The following HELZ variants were observed in gnomAD, a reference collection of about 807,000 sequenced individuals.
HELZ encodes the protein helicase with zinc finger.
HELZ carries 23 observed loss-of-function variants against 218.2 expected under a neutral mutation model. The observed-to-expected ratio is 0.11, with a 90% CI of 0.08 to 0.15. HELZ has a LOEUF of 0.15. Among genes scored for constraint, HELZ ranks in the 10% least tolerant of loss-of-function variants. HELZ has a pLI of 1.00. For missense variants in HELZ, 1,813 were observed against 2,353.7 expected (o/e 0.77, Z 4.75); for synonymous variants, 814 against 829.4 (o/e 0.98, Z 0.32).
chr17:67,190,655 A>T (rs2039867678), intron 9 of HELZ, among the ~76,000 whole-genome samples: 1 of 152,326 alleles, frequency 6.6e-6, no homozygotes, highest in Admixed American at 6.5e-5. Context: ...TTCCTTGGTC[A>T]TATAAGGACT....
chr17:67,120,390 C>A lies in HELZ; in HGVS notation c.3838+15G>T, dbSNP rs79369854. 6.2e-7 allele frequency: 1 copy of A among 1,605,152 alleles called. No homozygotes were observed. The highest frequency in any genetic ancestry group is 8.5e-7 in the Non-Finnish European group (1 of 1,172,020). ...CATCAGTTTATGAACAGGAGAACAGCGAAGTACAACTTACCATTTCGATTT... is the reference window on the plus strand; with the variant it reads ...CATCAGTTTATGAACAGGAGAACAGAGAAGTACAACTTACCATTTCGATTT... On this transcript the variant is annotated intron_variant, in intron 27 of 32. Coordinates refer to ENST00000358691, the MANE Select transcript of HELZ (RefSeq NM_014877.4).
chr17:67,166,715 G>T, intron 14 of HELZ, 107 bp from the exon 15 acceptor site: 1 of 888,600 alleles, frequency 1.1e-6, no homozygotes, highest in Non-Finnish European at 1.8e-6. Flanking sequence ...TAAGTTTAGA[G>T]ATTCTTTTAA....
intron 3 of HELZ, among the ~76,000 whole-genome samples, chr17:67,229,621 T>C (rs1307090460): frequency 6.6e-6 from 1 of 152,216 alleles, no homozygotes; most frequent in African/African-American, 2.4e-5. Context: ...TTCCCAAAGA[T>C]GACCTAAATG....
rs1432598252 is a variant in HELZ, at chr17:67,125,322, A to C, written c.3388-1308T>G. ...TATATATATATATATATATATATATATATATATATATATATATATATATAC... is the reference window on the plus strand; with the variant it reads ...TATATATATATATATATATATATATCTATATATATATATATATATATATAC... On this transcript the variant is annotated intron_variant, in intron 24 of 32. Transcript: ENST00000358691. 1.1e-4 allele frequency among the ~76,000 whole-genome samples: 5 copies of C among 46,700 alleles called. 1 individual carries two copies. The South Asian group carries it at 8.5e-3, about 79-fold the overall frequency. 30.6% of individuals were successfully genotyped at this position (46,700 alleles called of 152,430 possible). A position where few individuals can be genotyped will look rare whatever the true frequency, so the allele number is the denominator to read the frequency against.
chr17:67,089,365 G>C lies in HELZ; in HGVS notation c.5242-2284C>G, dbSNP rs3785577. Among the ~76,000 whole-genome samples the C allele has an allele frequency of 6.8e-4, 103 of 152,018 alleles. No individual in the cohort carries two copies. In the East Asian group the frequency reaches 0.017, roughly 26 times the overall value. On this transcript the variant is annotated intron_variant, in intron 31 of 32. Coordinates refer to ENST00000358691, the MANE Select transcript of HELZ (RefSeq NM_014877.4). The stretch of plus-strand genomic sequence containing the variant: ...ACGAAAACTCAGAAAGAAATGGAAG[G>C]CTGATATAAGAGAGAATATTCAATT...
intron 23 of HELZ, among the ~76,000 whole-genome samples, chr17:67,134,410 C>T (rs1027172452): frequency 6.6e-6 from 1 of 151,948 alleles, no homozygotes; most frequent in African/African-American, 2.4e-5. Context: ...ATACTCTCCC[C>T]TCTCCAATTT....
intron 17 of HELZ, among the ~76,000 whole-genome samples, chr17:67,156,574 G>A (rs2038849060): frequency 6.6e-6 from 1 of 152,040 alleles, no homozygotes; most frequent in African/African-American, 2.4e-5. Flanking sequence ...CGAGTTACCT[G>A]ACTTGGCAGC....
intron 12 of HELZ, among the ~76,000 whole-genome samples, chr17:67,181,814 G>C (rs1332031835): frequency 2.0e-5 from 3 of 151,764 alleles, no homozygotes; most frequent in African/African-American, 4.8e-5. Flanking sequence ...CTACTACTAA[G>C]GATACGGTAT....
intron 12 of HELZ, among the ~76,000 whole-genome samples, chr17:67,181,989 T>C (rs2039624544): frequency 7.3e-6 from 1 of 136,148 alleles, no homozygotes; most frequent in Non-Finnish European, 1.6e-5. Context: ...GGGTCCCTTA[T>C]GGGGACACTG....
chr17:67,191,433 A>C (rs1161290404), intron 9 of HELZ, among the ~76,000 whole-genome samples: 1 of 152,116 alleles, frequency 6.6e-6, no homozygotes, highest in Non-Finnish European at 1.5e-5. Flanking sequence ...GTGACCAAAA[A>C]CAGATAAAAA....
chr17:67,193,586 C>A (rs1220270794), intron 9 of HELZ, among the ~76,000 whole-genome samples: 1 of 151,972 alleles, frequency 6.6e-6, no homozygotes, highest in African/African-American at 2.4e-5. Flanking sequence ...TGTGGTGGCA[C>A]ATGCCTGTAA....
chr17:67,124,946 C>T (rs868375063), intron 24 of HELZ, among the ~76,000 whole-genome samples: 10 of 151,708 alleles, frequency 6.6e-5, no homozygotes, highest in Admixed American at 1.3e-4. Context: ...TAGCACATTG[C>T]GCAACTTACC....
chr17:67,219,138 C>T (rs1372418207), intron 3 of HELZ, among the ~76,000 whole-genome samples: 2 of 152,108 alleles, frequency 1.3e-5, no homozygotes, highest in Non-Finnish European at 1.5e-5. Flanking sequence ...ATACAACAAA[C>T]CATAAAGGAT....
rs1317103304 is a variant in HELZ at position 67,239,443 on chromosome 17, C to G, written c.-29G>C. ...CTAAACCTTACTCACCTGCAGTTCA[C>G]TGCACTGGGTATCACCCAAATAGCC... On this transcript the variant is annotated 5_prime_UTR_variant, in exon 3 of 33. Transcript: ENST00000358691. 6.6e-6 allele frequency: 1 copy of G among 152,220 alleles called. No individual in the cohort carries two copies. The highest frequency in any genetic ancestry group is 1.5e-5 in the Non-Finnish European group (1 of 68,044). 9.4% of individuals were successfully genotyped at this position (152,220 alleles called of 1,614,324 possible). A position where few individuals can be genotyped will look rare whatever the true frequency, so the allele number is the denominator to read the frequency against.
intron 31 of HELZ, among the ~76,000 whole-genome samples, chr17:67,103,743 T>C (rs1405114389): frequency 6.6e-6 from 1 of 152,200 alleles, no homozygotes; most frequent in Non-Finnish European, 1.5e-5. Context: ...ATTAGTAAGC[T>C]GATCCTAAAC....
rs57513241 is a variant in HELZ, at chr17:67,125,286, CTATATATATATATATATATA to C, written c.3388-1292_3388-1273del. 8.1e-3 allele frequency among the ~76,000 whole-genome samples: 566 copies of C among 70,066 alleles called. 5 individuals are homozygous for C. The highest frequency in any genetic ancestry group is 0.021 in the African/African-American group (263 of 12,748). 46.0% of individuals were successfully genotyped at this position (70,066 alleles called of 152,430 possible). On this transcript the variant is annotated intron_variant, in intron 24 of 32. Coordinates refer to ENST00000358691, the MANE Select transcript of HELZ (RefSeq NM_014877.4). ...GCATGTTCACAGTGATTGGCACCAA[CTATATATATATATATATATA>C]TATATATATATATATATATATATAT...
chr17:67,178,079 T>C (rs543280247), intron 13 of HELZ, among the ~76,000 whole-genome samples: 8 of 152,328 alleles, frequency 5.3e-5, no homozygotes, highest in Admixed American at 2.6e-4. Context: ...TAATCTTCCC[T>C]CACTCTAACT....
At position 67,167,502 on chromosome 17, in the gene HELZ, G is replaced by A; in HGVS notation, c.1725C>T (p.Cys575=). ...CAGGCCGAAGATTAAGTTCTTCACA[G>A]CATTCCCTAGATAGCCTTAAAAATA... ...EYIFLRLSRE[C]CEELNLRPDC... is the part of the protein sequence containing the mutation. The change falls in exon 14 of 33, where the codon TGC becomes TGT. Residue 575 remains cysteine, a synonymous_variant. Transcript: ENST00000358691. 1 of 1,613,522 alleles carries A rather than the reference G, an allele frequency of 6.2e-7. No homozygotes were observed. The highest frequency in any genetic ancestry group is 2.2e-5 in the East Asian group (1 of 44,878).
intron 31 of HELZ, among the ~76,000 whole-genome samples, chr17:67,094,333 A>AG (rs1555597035): frequency 4.8e-5 from 7 of 146,632 alleles, no homozygotes; most frequent in African/African-American, 1.3e-4. Context: ...AAAAAAAAAA[A>AG]AGAGAGAGAG....
Sources: allele counts gnomAD v4.1 joint callset (sites outside exome capture counted in the v4.1 genomes callset), GRCh38; gene constraint gnomAD v4.1.1; transcripts MANE v1.5; gene names NCBI Gene and HGNC (gene_info 2026-07-23, HGNC 2026-07-21).